The following DRC2 variants were observed in gnomAD, a reference collection of about 807,000 sequenced individuals.
DRC2 encodes coiled-coil domain containing 65.
chr12:48,916,145 A>T, the DRC2 span, among the ~76,000 whole-genome samples: 12,815 of 147,260 alleles, frequency 0.087, 500 homozygotes, highest in South Asian at 0.21. Flanking sequence ...GGCTCCTCAC[A>T]TCCCAGACGA....
At chr12:48,920,866 C>T in the DRC2 span, 1 of 1,507,736 alleles carries the variant, frequency 6.6e-7, no homozygotes, top group South Asian at 1.3e-5. Flanking sequence ...ACAGGGGAAC[C>T]AACTCCACTA....
the DRC2 span, chr12:48,918,571 G>T: frequency 6.7e-7 from 1 of 1,490,988 alleles, no homozygotes; most frequent in Non-Finnish European, 9.2e-7. Flanking sequence ...CTGATCATTG[G>T]TTGGGAAAAG....
the DRC2 span, among the ~76,000 whole-genome samples, chr12:48,905,967 TTCACCATGTTGGCCAGGATGG>T: frequency 1.3e-5 from 2 of 152,194 alleles, no homozygotes; most frequent in East Asian, 3.9e-4. Flanking sequence ...AGATGGGGGT[TTCACCATGTTGGCCAGGATGG>T]TCTCGATCTC....
At chr12:48,914,625 G>A in the DRC2 span, 6 of 1,576,562 alleles carry the variant, frequency 3.8e-6, no homozygotes, top group Non-Finnish European at 5.2e-6. Flanking sequence ...AGTGCCCAGA[G>A]TCCGTGTCAA....
the DRC2 span, among the ~76,000 whole-genome samples, chr12:48,910,901 C>T: frequency 9.9e-5 from 15 of 151,994 alleles, no homozygotes; most frequent in African/African-American, 2.9e-4. Flanking sequence ...GTAAATTAGC[C>T]GGGCATGGTG....
At chr12:48,918,236 G>A in the DRC2 span, 1 of 1,596,266 alleles carries the variant, frequency 6.3e-7, no homozygotes. Context: ...CACTAATAAG[G>A]TAATTCCAAA....
At chr12:48,904,417 A>G in the DRC2 span, 13 of 1,613,974 alleles carry the variant, frequency 8.1e-6, no homozygotes, top group Non-Finnish European at 9.3e-6. Context: ...AGTTGCTGGC[A>G]GAGGAGGAGA....
At chr12:48,911,620 A>T in the DRC2 span, among the ~76,000 whole-genome samples, 2 of 150,318 alleles carry the variant, frequency 1.3e-5, no homozygotes, top group South Asian at 2.1e-4. Flanking sequence ...GAAAAAAAAA[A>T]GAGAAAAAGA....
the DRC2 span, among the ~76,000 whole-genome samples, chr12:48,908,314 A>C: frequency 6.6e-6 from 1 of 151,908 alleles, no homozygotes; most frequent in Non-Finnish European, 1.5e-5. Flanking sequence ...CGGCCTCCCA[A>C]AGTGCTAGTA....
the DRC2 span, chr12:48,916,968 AG>A: frequency 3.1e-6 from 5 of 1,613,218 alleles, no homozygotes; most frequent in Non-Finnish European, 4.2e-6. Flanking sequence ...TGTCTCCTAC[AG>A]GAAGACAATT....
chr12:48,913,240 A>G, the DRC2 span, among the ~76,000 whole-genome samples: 1 of 151,906 alleles, frequency 6.6e-6, no homozygotes, highest in Non-Finnish European at 1.5e-5. Flanking sequence ...AGTGGTAGCT[A>G]CATCACTGCA....
chr12:48,916,841 C>G, the DRC2 span: 6 of 797,068 alleles, frequency 7.5e-6, no homozygotes, highest in East Asian at 1.6e-4. Flanking sequence ...TAAAGCCTTC[C>G]CTCTCTCTTT....
chr12:48,921,059 G>C, the DRC2 span: 23 of 1,612,236 alleles, frequency 1.4e-5, no homozygotes, highest in Non-Finnish European at 1.9e-5. Flanking sequence ...TAATCTAGAA[G>C]AGCTTACTGA....
chr12:48,913,051 T>G, the DRC2 span, among the ~76,000 whole-genome samples: 1 of 149,482 alleles, frequency 6.7e-6, no homozygotes, highest in Non-Finnish European at 1.5e-5. Flanking sequence ...GCAGGAATCG[T>G]TTGAACCTGG....
chr12:48,921,262 T>G, the DRC2 span: 117 of 1,614,250 alleles, frequency 7.2e-5, no homozygotes, highest in African/African-American at 1.1e-3. Flanking sequence ...CGAGCCCAGC[T>G]GCTAGATATC....
At chr12:48,913,480 T>C in the DRC2 span, among the ~76,000 whole-genome samples, 1 of 150,850 alleles carries the variant, frequency 6.6e-6, no homozygotes, top group African/African-American at 2.4e-5. Flanking sequence ...CTTTTGTATT[T>C]TTATTATTTA....
At chr12:48,905,868 T>C in the DRC2 span, among the ~76,000 whole-genome samples, 4 of 152,066 alleles carry the variant, frequency 2.6e-5, no homozygotes, top group African/African-American at 9.7e-5. Flanking sequence ...GCCTCCCAGG[T>C]TCAAGTGATT....
the DRC2 span, chr12:48,917,078 C>G: frequency 1.2e-6 from 2 of 1,614,010 alleles, no homozygotes. Flanking sequence ...AGCTGGAGTT[C>G]CAGAGCATGT....
the DRC2 span, chr12:48,916,985 C>T: frequency 6.2e-7 from 1 of 1,613,868 alleles, no homozygotes; most frequent in African/African-American, 1.3e-5. Flanking sequence ...CAATTATTGA[C>T]CAACATGAGA....
Sources: gnomAD v4.1 joint callset for allele counts (sites outside exome capture counted in the v4.1 genomes callset) on GRCh38, gnomAD v4.1.1 for gene constraint, MANE v1.5 for transcripts, NCBI Gene and HGNC (gene_info 2026-07-23, HGNC 2026-07-21) for gene names.